TRPM6: variants seen among roughly 807,000 people sequenced by gnomAD.
TRPM6 encodes channel kinase 2.
In TRPM6, 111 loss-of-function variants were observed where a neutral mutation model predicts 247.6. That is an observed-to-expected ratio of 0.45 (90% CI 0.38 to 0.52). TRPM6 has a LOEUF of 0.52. Among genes scored for constraint, TRPM6 ranks in the 20% least tolerant of loss-of-function variants. TRPM6 has a pLI of 0.00. For missense variants in TRPM6, 2,126 were observed against 2,421.5 expected, an observed-to-expected ratio of 0.88 and a Z score of 2.56; for synonymous variants, 892 against 853.8, an observed-to-expected ratio of 1.04 and a Z score of -0.78.
intron 6 of TRPM6, among the ~76,000 whole-genome samples, chr9:74,828,828 G>A (rs113039257): frequency 0.032 from 4,881 of 151,474 alleles, 249 homozygotes; most frequent in African/African-American, 0.11. Flanking sequence ...GGGGTTTCAC[G>A]CCCAGCCTTC....
chr9:74,812,716 C>G (rs925642568), intron 11 of TRPM6, among the ~76,000 whole-genome samples: 8 of 152,028 alleles, frequency 5.3e-5, no homozygotes, highest in Non-Finnish European at 1.2e-4. Context: ...ACAGCAAAAC[C>G]CTGTCTCTAC....
chr9:74,725,415 A>T (rs1825282621), intron 38 of TRPM6, among the ~76,000 whole-genome samples: 1 of 152,148 alleles, frequency 6.6e-6, no homozygotes. Flanking sequence ...AAACTAATAC[A>T]TATTATATAT....
intron 21 of TRPM6, 84 bp downstream of exon 21, chr9:74,785,790 T>G: frequency 6.6e-7 from 1 of 1,522,906 alleles, no homozygotes; most frequent in Non-Finnish European, 9.1e-7. Flanking sequence ...CCCAAAGTGC[T>G]GGGATTACAG....
intron 38 of TRPM6, among the ~76,000 whole-genome samples, chr9:74,725,061 G>T (rs1438631306): frequency 6.6e-6 from 1 of 152,096 alleles, no homozygotes; most frequent in Non-Finnish European, 1.5e-5. Context: ...TGGGAAATGG[G>T]GCATTTTACT....
chr9:74,811,781 C>T (rs894892283), intron 12 of TRPM6, among the ~76,000 whole-genome samples: 22 of 152,186 alleles, frequency 1.4e-4, no homozygotes, highest in Admixed American at 1.1e-3. Context: ...GGCAAGGTGT[C>T]AGACCCCTGG....
intron 5 of TRPM6, among the ~76,000 whole-genome samples, chr9:74,837,072 G>A (rs1458826249): frequency 6.6e-6 from 1 of 152,172 alleles, no homozygotes; most frequent in African/African-American, 2.4e-5. Context: ...TTCAGGGTCC[G>A]TGTTACTCCT....
intron 13 of TRPM6, 41 bp from the exon 14 acceptor site, chr9:74,808,215 C>T: frequency 6.2e-7 from 1 of 1,612,948 alleles, no homozygotes; most frequent in East Asian, 2.2e-5. Context: ...TTTTAGTTAT[C>T]TTCTTTCATT....
At chr9:74,804,478 T>C (rs548112576) in intron 14 of TRPM6, 67 of 664,386 alleles carry the variant, frequency 1.0e-4, no homozygotes, top group African/African-American at 1.0e-3. Context: ...ACCATAAGCT[T>C]GCCTGATCTC....
At chr9:74,780,054 C>T (rs1827377468) in intron 23 of TRPM6, among the ~76,000 whole-genome samples, 1 of 151,900 alleles carries the variant, frequency 6.6e-6, no homozygotes, top group African/African-American at 2.4e-5. Flanking sequence ...CACCTGTAGT[C>T]CCAGCTACTC....
intron 23 of TRPM6, among the ~76,000 whole-genome samples, chr9:74,779,208 C>T (rs935421050): frequency 3.3e-5 from 5 of 152,000 alleles, no homozygotes; most frequent in African/African-American, 1.2e-4. Flanking sequence ...ACCAGGGAGG[C>T]GGAGGTTGCA....
rs1224752903 is a variant in TRPM6 at position 74,762,843 on chromosome 9, A to G, written c.3828T>C (p.Tyr1276=). 3 of 1,614,042 alleles carry G rather than the reference A, an allele frequency of 1.9e-6. No homozygotes were observed. Among genetic ancestry groups the G allele is most frequent in the Non-Finnish European group, 2.5e-6 (3 of 1,179,994 alleles). The stretch of plus-strand genomic sequence containing the variant: ...TCCTCAGCAAAGAAGAGGGCATGCT[A>G]TAATACTGGTATTTCTTCTCTCCAG... ...EIAGEKKYQY[Y]SMPSSLLRSL... The change falls in exon 26 of 39, where the codon TAT becomes TAC. Residue 1276 remains tyrosine (Y), a synonymous_variant. Transcript: ENST00000360774.
At chr9:74,853,372 T>C (rs1401761872) in intron 3 of TRPM6, among the ~76,000 whole-genome samples, 1 of 152,158 alleles carries the variant, frequency 6.6e-6, no homozygotes, top group Non-Finnish European at 1.5e-5. Context: ...CAACAGCTCA[T>C]TGAGGGCGGG....
At chr9:74,884,249 G>C (rs969330988) in intron 1 of TRPM6, among the ~76,000 whole-genome samples, 2 of 152,158 alleles carry the variant, frequency 1.3e-5, no homozygotes, top group African/African-American at 4.8e-5. Context: ...CCAGCACTCT[G>C]GGAGGCTGAG....
chr9:74,845,072 C>CTTTTTCTTTTTG (rs1830063525), intron 3 of TRPM6, among the ~76,000 whole-genome samples: 1 of 152,100 alleles, frequency 6.6e-6, no homozygotes, highest in Non-Finnish European at 1.5e-5. Flanking sequence ...AAAACAATTA[C>CTTTTTCTTTTTG]AATAGTGACA....
rs1319958701 is a variant in TRPM6, at chr9:74,724,604, C to T, written c.*9G>A. 1.2e-6 allele frequency: 2 copies of T among 1,614,012 alleles called. No individual in the cohort carries two copies. The highest frequency in any genetic ancestry group is 1.3e-5 in the African/African-American group (1 of 74,928). On this transcript the variant is annotated 3_prime_UTR_variant, in exon 39 of 39. Coordinates refer to ENST00000360774, the MANE Select transcript of TRPM6 (RefSeq NM_017662.5). ...GGGCAAGCACTGGGATCTTCTTGCT[C>T]CTCCCTTTTTATAGTTGCATATCAT...
At chr9:74,774,643 C>T (rs952520946) in intron 24 of TRPM6, among the ~76,000 whole-genome samples, 1 of 152,122 alleles carries the variant, frequency 6.6e-6, no homozygotes, top group Non-Finnish European at 1.5e-5. Context: ...CCCGCTATCC[C>T]CTTAGCTGAA....
intron 5 of TRPM6, among the ~76,000 whole-genome samples, chr9:74,834,636 G>A (rs1829661562): frequency 6.9e-6 from 1 of 145,106 alleles, no homozygotes; most frequent in Non-Finnish European, 1.5e-5. Flanking sequence ...AGGCCCTGGT[G>A]TGTGATGTTC....
Position 74,858,877 on chromosome 9 carries a change from C to CA in TRPM6, c.34-130dup, listed in dbSNP as rs1396820430. The CA allele has an allele frequency of 1.0e-5, 7 of 691,264 alleles. No homozygotes were observed. In the Admixed American group the frequency reaches 1.3e-4, roughly 12 times the overall value. 42.8% of individuals were successfully genotyped at this position (691,264 alleles called of 1,614,324 possible). A position where few individuals can be genotyped will look rare whatever the true frequency, so the allele number is the denominator to read the frequency against. ...TTAAAATGCCAAGACCAACCCCACACAGGCTAAGCATTTACCAGTTTCTAT... is the reference window on the plus strand; with the variant it reads ...TTAAAATGCCAAGACCAACCCCACACAAGGCTAAGCATTTACCAGTTTCTAT... On this transcript the variant is annotated intron_variant, in intron 1 of 38. Coordinates refer to ENST00000360774, the MANE Select transcript of TRPM6 (RefSeq NM_017662.5).
chr9:74,886,511 C>A (rs536222524), intron 1 of TRPM6, among the ~76,000 whole-genome samples: 1 of 150,880 alleles, frequency 6.6e-6, no homozygotes, highest in African/African-American at 2.5e-5. Context: ...GTCTTTTTTT[C>A]TCTTTTTTTT....
Sources: allele counts gnomAD v4.1 joint callset (sites outside exome capture counted in the v4.1 genomes callset), GRCh38; gene constraint gnomAD v4.1.1; transcripts MANE v1.5; gene names NCBI Gene and HGNC (gene_info 2026-07-23, HGNC 2026-07-21).